The following WWTR1 variants were observed in gnomAD, a reference collection of about 807,000 sequenced individuals.
WWTR1 encodes the protein WW domain-containing transcription regulator protein 1.
Under a neutral mutation model 40.1 loss-of-function variants are expected in WWTR1, and 13 were observed. The ratio of observed to expected loss-of-function variants is 0.32; its 90% confidence interval spans 0.21 to 0.52. WWTR1 has a LOEUF of 0.52. Ranked by LOEUF, WWTR1 falls within the 20% of genes least tolerant of loss-of-function variation. The pLI, the probability that WWTR1 is intolerant of heterozygous loss-of-function variation, is 0.97. For synonymous variants in WWTR1, 230 were observed against 210.1 expected (o/e 1.09, Z -0.82); for missense variants, 436 against 523.1 (o/e 0.83, Z 1.63).
chr3:149,642,239 G>T (rs886507737), intron 2 of WWTR1, among the ~76,000 whole-genome samples: 2 of 151,530 alleles, frequency 1.3e-5, no homozygotes, highest in African/African-American at 4.9e-5. Flanking sequence ...TGATCAACAG[G>T]GAGAAACCCC....
chr3:149,576,771 A>T (rs1377717510), intron 2 of WWTR1, among the ~76,000 whole-genome samples: 2 of 152,122 alleles, frequency 1.3e-5, no homozygotes, highest in Non-Finnish European at 2.9e-5. Flanking sequence ...TCTTATCTAA[A>T]CTGCTTTGTA....
chr3:149,618,157 T>G (rs1740081987), intron 2 of WWTR1, among the ~76,000 whole-genome samples: 1 of 152,244 alleles, frequency 6.6e-6, no homozygotes, highest in South Asian at 2.1e-4. Flanking sequence ...AAGCCTGTGC[T>G]CTTTGCAGGC....
intron 2 of WWTR1, among the ~76,000 whole-genome samples, chr3:149,652,620 C>CAAAAAAAAAAAAA (rs758013561): frequency 3.0e-4 from 6 of 20,230 alleles, no homozygotes; most frequent in Admixed American, 6.7e-4. Context: ...GACCCCATCT[C>CAAAAAAAAAAAAA]AAAAAAAAAA....
In WWTR1 at chr3:149,682,522, C is replaced by A. The variant is rs926629458; in HGVS notation, c.-107-12631G>T. ...CTTTGAGTGCTCCAGAATGAACAAA[C>A]CTCTCTGGTCTAGAAGAGAAGCATA... On this transcript the variant is annotated intron_variant, in intron 1 of 7. Transcript: ENST00000465804. Among the ~76,000 whole-genome samples the A allele has an allele frequency of 3.9e-5, 6 of 152,140 alleles. No homozygotes were observed. The East Asian group carries it at 9.6e-4, about 24-fold the overall frequency.
chr3:149,572,846 A>G lies in WWTR1; in HGVS notation c.568+18T>C. The G allele has an allele frequency of 1.9e-6, 3 of 1,611,846 alleles. No individual in the cohort carries two copies. The highest frequency in any genetic ancestry group is 1.3e-5 in the African/African-American group (1 of 74,752). On this transcript the variant is annotated intron_variant, in intron 3 of 6. Transcript: ENST00000360632. ...AAAAAAAATATCTTTTTTAATTTTA[A>G]AAAAGCTTGAGGCTTACCGAGATTT...
chr3:149,672,780 T>TC (rs1309864504), intron 1 of WWTR1, among the ~76,000 whole-genome samples: 2 of 149,734 alleles, frequency 1.3e-5, no homozygotes, highest in East Asian at 2.0e-4. Flanking sequence ...AGAAGTTTTT[T>TC]CCTTTTTTTT....
At chr3:149,593,202 C>T (rs530854539) in intron 2 of WWTR1, among the ~76,000 whole-genome samples, 87 of 152,336 alleles carry the variant, frequency 5.7e-4, no homozygotes, top group Middle Eastern at 6.8e-3. Flanking sequence ...AGTGGCAGAG[C>T]CCCACAACGT....
At chr3:149,577,857 C>T (rs761512781) in intron 2 of WWTR1, among the ~76,000 whole-genome samples, 5 of 152,042 alleles carry the variant, frequency 3.3e-5, no homozygotes, top group Non-Finnish European at 7.4e-5. Context: ...CATCAGCCTG[C>T]GGAGGGGGTG....
At chr3:149,701,026 G>C (rs896069337) in intron 1 of WWTR1, among the ~76,000 whole-genome samples, 1 of 152,180 alleles carries the variant, frequency 6.6e-6, no homozygotes, top group Admixed American at 6.5e-5. Flanking sequence ...AGCTGCAATC[G>C]GTGCGGTAGG....
At chr3:149,720,520 T>C (rs9843601) in intron 4 of WWTR1, among the ~76,000 whole-genome samples, 49,800 of 152,016 alleles carry the variant, frequency 0.33, 9,090 homozygotes, top group Middle Eastern at 0.53. Flanking sequence ...TAATTACTAT[T>C]ACCTATTATA....
At chr3:149,650,103 T>C (rs1712780496) in intron 2 of WWTR1, 1 of 152,132 alleles carries the variant, frequency 6.6e-6, no homozygotes, top group Non-Finnish European at 1.5e-5. Context: ...GGAGGTGTAC[T>C]ACCCATTTCT....
At chr3:149,629,581 G>A (rs574906129) in intron 2 of WWTR1, among the ~76,000 whole-genome samples, 1 of 152,232 alleles carries the variant, frequency 6.6e-6, no homozygotes, top group Non-Finnish European at 1.5e-5. Flanking sequence ...CCAGTAACTT[G>A]TTACCCAAGT....
intron 2 of WWTR1, among the ~76,000 whole-genome samples, chr3:149,604,744 C>T (rs567674561): frequency 6.6e-6 from 1 of 152,362 alleles, no homozygotes; most frequent in East Asian, 1.9e-4. Context: ...TGAAGCGGTA[C>T]TGGCCCTTCT....
chr3:149,582,055 C>T (rs73155018), intron 2 of WWTR1, among the ~76,000 whole-genome samples: 3,252 of 152,174 alleles, frequency 0.021, 61 homozygotes, highest in Admixed American at 0.053. Flanking sequence ...GTGCCACTTC[C>T]CAGAGAAAAC....
intron 5 of WWTR1, among the ~76,000 whole-genome samples, chr3:149,715,639 TG>T (rs1008053962): frequency 2.0e-5 from 3 of 152,144 alleles, no homozygotes; most frequent in Admixed American, 6.5e-5. Context: ...TGAGAAAACT[TG>T]GGCAAAGGCA....
At chr3:149,709,250 C>G (rs1715419702) in intron 5 of WWTR1, among the ~76,000 whole-genome samples, 1 of 148,334 alleles carries the variant, frequency 6.7e-6, no homozygotes, top group South Asian at 2.2e-4. Flanking sequence ...GCTGGGATTA[C>G]AGGTGTGGGC....
At chr3:149,526,996 G>A (rs985406350) in intron 5 of WWTR1, among the ~76,000 whole-genome samples, 2 of 152,118 alleles carry the variant, frequency 1.3e-5, no homozygotes, top group African/African-American at 4.8e-5. Flanking sequence ...CAAGAGTACA[G>A]AGCGTTCCCA....
At chr3:149,616,394 T>G (rs1351060218) in intron 2 of WWTR1, among the ~76,000 whole-genome samples, 1 of 152,182 alleles carries the variant, frequency 6.6e-6, no homozygotes, top group East Asian at 1.9e-4. Context: ...GAACTACGTA[T>G]TTCTTCCTCT....
upstream of WWTR1, among the ~76,000 whole-genome samples, chr3:149,662,457 C>G (rs1208633898): frequency 6.6e-6 from 1 of 152,230 alleles, no homozygotes; most frequent in Non-Finnish European, 1.5e-5. Flanking sequence ...CCACAACACA[C>G]TTCCTACTGA....
Sources: allele counts gnomAD v4.1 joint callset (sites outside exome capture counted in the v4.1 genomes callset), GRCh38; gene constraint gnomAD v4.1.1; transcripts MANE v1.5; gene names NCBI Gene and HGNC (gene_info 2026-07-23, HGNC 2026-07-21).